DIAPH2: variants seen among roughly 807,000 people sequenced by gnomAD.
DIAPH2 encodes protein diaphanous homolog 2.
In DIAPH2, 35 loss-of-function variants were observed where a neutral mutation model predicts 92.7. The observed-to-expected ratio is 0.38, with a 90% CI of 0.29 to 0.50. DIAPH2 has a LOEUF of 0.50. DIAPH2 is among the 20% of genes least tolerant of loss of function. The pLI is 0.94. For missense variants in DIAPH2, 701 were observed against 819.5 expected, an observed-to-expected ratio of 0.86 and a Z score of 1.77; for synonymous variants, 301 against 280.4, an observed-to-expected ratio of 1.07 and a Z score of -0.73.
chrX:96,771,426 T>C (rs1320905976), intron 4 of DIAPH2, among the ~76,000 whole-genome samples: 3 of 111,777 alleles, frequency 2.7e-5, no homozygotes, highest in Admixed American at 9.5e-5. Context: ...ATGCTTGATA[T>C]AAGACATTTA....
intron 26 of DIAPH2, among the ~76,000 whole-genome samples, chrX:97,435,899 T>C (rs1482514475): frequency 9.4e-6 from 1 of 106,074 alleles, no homozygotes; most frequent in East Asian, 3.0e-4. Flanking sequence ...GCTCCGCCTC[T>C]CGGGTTCATG....
chrX:96,874,318 G>A (rs1047631465), intron 4 of DIAPH2, among the ~76,000 whole-genome samples: 3 of 111,765 alleles, frequency 2.7e-5, no homozygotes, highest in Non-Finnish European at 5.7e-5. Context: ...AACATAATGT[G>A]TATTTGTTTT....
chrX:97,031,928 T>C (rs1033664882), intron 17 of DIAPH2, among the ~76,000 whole-genome samples: 1 of 111,670 alleles, frequency 9.0e-6, no homozygotes, highest in African/African-American at 3.3e-5. Context: ...AGAGTACACA[T>C]TGAGGCATGT....
intron 17 of DIAPH2, among the ~76,000 whole-genome samples, chrX:97,072,726 A>G (rs1202905480): frequency 8.9e-6 from 1 of 111,864 alleles, no homozygotes; most frequent in Non-Finnish European, 1.9e-5. Flanking sequence ...CATTTGGCTT[A>G]TCTTTTCTGC....
intron 17 of DIAPH2, among the ~76,000 whole-genome samples, chrX:97,031,890 G>T (rs1225643841): frequency 2.7e-5 from 3 of 111,713 alleles, no homozygotes; most frequent in Non-Finnish European, 5.6e-5. Flanking sequence ...AAAAAGGATT[G>T]CAATAGCAAA....
At chrX:97,574,521 G>T (rs780324271) in intron 26 of DIAPH2, among the ~76,000 whole-genome samples, 1 of 111,257 alleles carries the variant, frequency 9.0e-6, no homozygotes, top group Non-Finnish European at 1.9e-5. Flanking sequence ...AAGATAGATC[G>T]CACAGGGACA....
chrX:96,685,254 T>C (rs1038446972), intron 1 of DIAPH2, 64 bp downstream of exon 1: 5 of 963,160 alleles, frequency 5.2e-6, no homozygotes, highest in Non-Finnish European at 6.6e-6. Context: ...CCTCCTGCCA[T>C]TGAACACGGG....
chrX:97,476,753 C>T (rs2070607132), intron 26 of DIAPH2, among the ~76,000 whole-genome samples: 1 of 102,075 alleles, frequency 9.8e-6, no homozygotes. Context: ...ACCAACCTGA[C>T]CAACATGCAG....
chrX:96,956,965 G>A (rs1461402752), intron 15 of DIAPH2, among the ~76,000 whole-genome samples: 1 of 112,458 alleles, frequency 8.9e-6, no homozygotes, highest in Non-Finnish European at 1.9e-5. Flanking sequence ...CCAATTTACT[G>A]TATTGTTGTT....
At chrX:97,336,621 C>A (rs1186735709) in intron 23 of DIAPH2, among the ~76,000 whole-genome samples, 1 of 111,595 alleles carries the variant, frequency 9.0e-6, no homozygotes, top group Non-Finnish European at 1.9e-5. Context: ...CCCCACTCAA[C>A]TGACATCTCC....
chrX:97,278,003 G>A (rs1273076227), intron 23 of DIAPH2, among the ~76,000 whole-genome samples: 2 of 111,370 alleles, frequency 1.8e-5, no homozygotes, highest in Non-Finnish European at 3.8e-5. Context: ...GCGCCACCAC[G>A]CCTAGTTAAT....
intron 25 of DIAPH2, among the ~76,000 whole-genome samples, chrX:97,402,012 G>C (rs1016798903): frequency 8.9e-6 from 1 of 112,727 alleles, no homozygotes; most frequent in Admixed American, 9.4e-5. Flanking sequence ...GCCAGTGACA[G>C]TATCAGTCAG....
intron 22 of DIAPH2, among the ~76,000 whole-genome samples, chrX:97,146,496 G>C (rs983591542): frequency 9.0e-6 from 1 of 110,784 alleles, no homozygotes; most frequent in Non-Finnish European, 1.9e-5. Flanking sequence ...GATAGAGTAA[G>C]ATCTTTTCTG....
chrX:96,740,677 C>T (rs2064113778), intron 3 of DIAPH2, among the ~76,000 whole-genome samples: 1 of 111,494 alleles, frequency 9.0e-6, no homozygotes, highest in African/African-American at 3.3e-5. Flanking sequence ...TGTTCTTGCC[C>T]TACTTTAGAT....
chrX:97,356,834 T>G (rs1193720632), intron 24 of DIAPH2, among the ~76,000 whole-genome samples: 1 of 111,836 alleles, frequency 8.9e-6, no homozygotes, highest in Non-Finnish European at 1.9e-5. Flanking sequence ...TTTTTAAATA[T>G]GTATGCATTT....
chrX:97,153,761 T>A (rs1333952802), intron 22 of DIAPH2, among the ~76,000 whole-genome samples: 2 of 111,585 alleles, frequency 1.8e-5, no homozygotes, highest in Non-Finnish European at 3.8e-5. Context: ...TGAAGGCTCA[T>A]GTTATTTTAA....
rs183078455 is a variant in DIAPH2, at chrX:96,747,009, A to G, written c.342+8247A>G. ...AATGCTGTAATTGAGTAACTCTTCA[A>G]TATTTTAAGTTGTCATAACCTTTGA... On this transcript the variant is annotated intron_variant, in intron 3 of 26. Coordinates refer to ENST00000324765, the MANE Select transcript of DIAPH2 (RefSeq NM_006729.5). 3.8e-3 allele frequency among the ~76,000 whole-genome samples: 426 copies of G among 111,961 alleles called. 2 individuals carry two copies. The highest frequency in any genetic ancestry group is 6.7e-3 in the Non-Finnish European group (354 of 53,230).
At position 97,075,260 on chromosome X, in the gene DIAPH2, A is replaced by C; in HGVS notation, c.2246A>C (p.Gln749Pro). ...NEDMLSEALIQNLVKHLPEQK... is the reference protein window; with the variant it reads ...NEDMLSEALIPNLVKHLPEQK... ...GACATGCTGAGTGAGGCTTTAATTC[A>C]GGTAACTTGGATATTTTCCTTTTGA... Residue 749 changes from glutamine to proline, a missense_variant and splice_region_variant, in exon 19 of 27, where the codon CAG (glutamine) becomes CCG (proline). Physicochemically the swap from Gln to Pro is moderately conservative, Grantham distance 76. Coordinates refer to ENST00000324765, the MANE Select transcript of DIAPH2 (RefSeq NM_006729.5). 1 of 1,145,622 alleles carries C rather than the reference A, an allele frequency of 8.7e-7. No individual in the cohort carries two copies. Among genetic ancestry groups the C allele is most frequent in the Non-Finnish European group, 1.2e-6 (1 of 850,838 alleles). 94.4% of individuals were successfully genotyped at this position (1,145,622 alleles called of 1,213,427 possible). A position where few individuals can be genotyped will look rare whatever the true frequency, so the allele number is the denominator to read the frequency against.
At chrX:97,313,965 T>C (rs1361739802) in intron 23 of DIAPH2, among the ~76,000 whole-genome samples, 2 of 111,061 alleles carry the variant, frequency 1.8e-5, no homozygotes, top group Non-Finnish European at 3.8e-5. Flanking sequence ...GTAAAACTGC[T>C]TTCAGGAAGT....
Sources: allele counts gnomAD v4.1 joint callset (sites outside exome capture counted in the v4.1 genomes callset), GRCh38; gene constraint gnomAD v4.1.1; transcripts MANE v1.5; gene names NCBI Gene and HGNC (gene_info 2026-07-23, HGNC 2026-07-21).